SLC4A8: variants seen among roughly 807,000 people sequenced by gnomAD.
SLC4A8 encodes the protein solute carrier family 4 member 8, also known as electroneutral sodium bicarbonate exchanger 1.
A neutral mutation model predicts 125.0 loss-of-function variants in SLC4A8; 40 were observed. That is an observed-to-expected ratio of 0.32 (90% CI 0.25 to 0.42). The LOEUF (loss-of-function observed/expected upper bound fraction) is 0.42, where lower values mean the gene tolerates loss of function less well. Ranked by LOEUF, SLC4A8 falls within the 10% of genes least tolerant of loss-of-function variation. The probability of loss-of-function intolerance (pLI) is 1.00; values close to 1 mark genes in which losing one functional copy is unlikely to be tolerated. For synonymous variants in SLC4A8, 456 were observed against 476.0 expected (o/e 0.96, Z 0.55); for missense variants, 863 against 1,355.1 (o/e 0.64, Z 5.70).
intron 9 of SLC4A8, chr12:51,462,081 C>G: frequency 2.0e-6 from 1 of 510,202 alleles, no homozygotes; most frequent in South Asian, 2.2e-5. Flanking sequence ...CTTATCTCTT[C>G]TTATACTAGC....
Position 51,440,740 on chromosome 12 carries a change from T to C in SLC4A8, c.81T>C (p.Gly27=). 1 of 1,611,466 alleles carries C rather than the reference T, an allele frequency of 6.2e-7. No homozygotes were observed. The highest frequency in any genetic ancestry group is 8.5e-7 in the Non-Finnish European group (1 of 1,179,234). Residue 27 remains glycine, a synonymous_variant, in exon 2 of 25, where the codon GGT becomes GGC. Transcript: ENST00000453097. ...ATGAAGAAGCTGTGGTGGATCAGGG[T>C]GGGACCAGTACAATTCTCAACATTC... ...RPDEEAVVDQ[G]GTSTILNIHY...
At chr12:51,404,351 A>G (rs983898297) in intron 1 of SLC4A8, among the ~76,000 whole-genome samples, 3 of 152,284 alleles carry the variant, frequency 2.0e-5, no homozygotes, top group Non-Finnish European at 2.9e-5. Context: ...AGCATCTTTT[A>G]GGGAACTACC....
chr12:51,479,589 A>G (rs2096494885), intron 16 of SLC4A8, among the ~76,000 whole-genome samples: 1 of 151,458 alleles, frequency 6.6e-6, no homozygotes, highest in African/African-American at 2.4e-5. Flanking sequence ...GGGTTGAGGC[A>G]CGAGAATTGC....
intron 24 of SLC4A8, among the ~76,000 whole-genome samples, chr12:51,506,398 TG>T (rs1402813579): frequency 2.0e-5 from 3 of 151,784 alleles, no homozygotes; most frequent in African/African-American, 7.3e-5. Context: ...AAATTGTAAC[TG>T]GTTTTTTTTT....
intron 16 of SLC4A8, among the ~76,000 whole-genome samples, chr12:51,482,660 G>A (rs528245814): frequency 4.6e-4 from 70 of 152,294 alleles, no homozygotes; most frequent in Admixed American, 1.3e-3. Context: ...GATTACAGGC[G>A]TGAGCCACCG....
intron 2 of SLC4A8, chr12:51,450,570 G>T (rs1949932979): frequency 3.5e-6 from 1 of 287,820 alleles, no homozygotes; most frequent in Non-Finnish European, 6.5e-6. Context: ...CAGTCAAATT[G>T]TCATTGTCAT....
At chr12:51,404,847 CT>C (rs59672893) in intron 1 of SLC4A8, among the ~76,000 whole-genome samples, 1 of 151,902 alleles carries the variant, frequency 6.6e-6, no homozygotes, top group African/African-American at 2.4e-5. Flanking sequence ...TCTTTTGTCT[CT>C]TTTTCTTTCC....
intron 10 of SLC4A8, 68 bp from the exon 11 acceptor site, chr12:51,463,546 C>G: frequency 8.1e-7 from 1 of 1,240,912 alleles, no homozygotes; most frequent in East Asian, 2.3e-5. Context: ...CCCATTCCCA[C>G]TCCCTGCTGA....
chr12:51,491,298 G>C (rs1424708660), intron 19 of SLC4A8, among the ~76,000 whole-genome samples: 3 of 152,126 alleles, frequency 2.0e-5, no homozygotes, highest in Admixed American at 6.6e-5. Flanking sequence ...GAATAGATGA[G>C]AGAACTCAGG....
intron 6 of SLC4A8, among the ~76,000 whole-genome samples, chr12:51,457,957 A>G (rs553965895): frequency 6.6e-6 from 1 of 152,358 alleles, no homozygotes; most frequent in Admixed American, 6.5e-5. Context: ...TACCACTCAC[A>G]AAATGTATGA....
chr12:51,401,285 G>A (rs757274048), intron 1 of SLC4A8, among the ~76,000 whole-genome samples: 3 of 152,252 alleles, frequency 2.0e-5, no homozygotes, highest in Middle Eastern at 3.4e-3. Context: ...TCTGTATCCC[G>A]GGTTCTTGCC....
At position 51,469,738 on chromosome 12, in the gene SLC4A8, C is replaced by G; in HGVS notation, c.1474C>G (p.Pro492Ala). The G allele has an allele frequency of 6.2e-7, 1 of 1,614,094 alleles. No homozygotes were observed. The highest frequency in any genetic ancestry group is 8.5e-7 in the Non-Finnish European group (1 of 1,180,036). ...FLFLYCACMS[P>A]VITFGGLLGE... ...GTTCCTGTACTGTGCCTGCATGTCA[C>G]CTGTCATCACCTTTGGGGGACTGCT... The change falls in exon 12 of 25, where the codon CCT becomes GCT. Residue 492 changes from proline (P) to alanine (A), a missense_variant. Pro to Ala is a conservative substitution (Grantham distance 27). Around this residue, in one of 6 missense-constraint regions of SLC4A8, gnomAD observed 390 missense variants for 634.4 expected, o/e 0.61. Coordinates refer to ENST00000453097, the MANE Select transcript of SLC4A8 (RefSeq NM_001039960.3).
intron 11 of SLC4A8, among the ~76,000 whole-genome samples, chr12:51,464,614 A>G (rs1400142156): frequency 6.6e-6 from 1 of 152,130 alleles, no homozygotes; most frequent in Non-Finnish European, 1.5e-5. Context: ...TGTCTCTGTT[A>G]AGCTGTGCTG....
chr12:51,468,593 A>C (rs921454501), intron 11 of SLC4A8, among the ~76,000 whole-genome samples: 7 of 152,216 alleles, frequency 4.6e-5, no homozygotes, highest in African/African-American at 1.4e-4. Flanking sequence ...CCCCGACTCT[A>C]CTAAAACTAC....
chr12:51,411,942 G>A (rs1010893446), intron 1 of SLC4A8, among the ~76,000 whole-genome samples: 2 of 151,862 alleles, frequency 1.3e-5, no homozygotes, highest in African/African-American at 4.8e-5. Context: ...TGTGCCTGTG[G>A]TTCCAGCTAC....
upstream of SLC4A8, among the ~76,000 whole-genome samples, chr12:51,424,056 A>AAAC (rs1565762150): frequency 1.2e-4 from 7 of 58,786 alleles, no homozygotes; most frequent in South Asian, 6.4e-4. Context: ...AAAAAAAACA[A>AAAC]AAAAAACAAC....
chr12:51,489,813 G>A lies in SLC4A8; in HGVS notation c.2562G>A (p.Val854=). The change falls in exon 19 of 25, where the codon GTG becomes GTA. Residue 854 remains valine, a synonymous_variant. Coordinates refer to ENST00000453097, the MANE Select transcript of SLC4A8 (RefSeq NM_001039960.3). ...VAATVLSITH[V]NSLKLESECS... ...CAACTGTCTTGTCCATCACACATGT[G>A]AACAGCCTCAAGCTAGAATCTGAAT... is the stretch of plus-strand genomic sequence containing the variant. The A allele has an allele frequency of 6.2e-7, 1 of 1,614,184 alleles. No homozygotes were observed. The highest frequency in any genetic ancestry group is 8.5e-7 in the Non-Finnish European group (1 of 1,180,032).
In SLC4A8 at chr12:51,450,966, G is replaced by A; in HGVS notation, c.221G>A (p.Arg74Gln). 3 of 1,594,972 alleles carry A rather than the reference G, an allele frequency of 1.9e-6. No individual in the cohort carries two copies. Among genetic ancestry groups the A allele is most frequent in the Non-Finnish European group, 2.6e-6 (3 of 1,168,930 alleles). The change falls in exon 3 of 25, where the codon CGA becomes CAA. Residue 74 changes from arginine to glutamine, a missense_variant. Transcript: ENST00000453097. ...HRTHGQKHRRRGRGKGASQGE... is the reference protein window; with the variant it reads ...HRTHGQKHRRQGRGKGASQGE... ...ACTCATGGCCAGAAGCACCGGAGAC[G>A]AGGGCGGGGCAAAGGAGCCAGCCAG...
chr12:51,471,592 A>T, intron 14 of SLC4A8, 60 bp downstream of exon 14: 2 of 1,568,254 alleles, frequency 1.3e-6, no homozygotes, highest in Non-Finnish European at 1.7e-6. Context: ...TTAATTGCTG[A>T]TGTAGAGTGC....
Sources: allele counts gnomAD v4.1 joint callset (sites outside exome capture counted in the v4.1 genomes callset), GRCh38; gene constraint gnomAD v4.1.1; regional missense constraint gnomAD v4.1.1; transcripts MANE v1.5; gene names NCBI Gene and HGNC (gene_info 2026-07-23, HGNC 2026-07-21).